MBNL1: variants seen among roughly 807,000 people sequenced by gnomAD.
MBNL1 encodes muscleblind-like protein 1.
A neutral mutation model predicts 42.2 loss-of-function variants in MBNL1; 8 were observed. The observed-to-expected ratio is 0.19, with a 90% CI of 0.11 to 0.34. The LOEUF (loss-of-function observed/expected upper bound fraction) is 0.34. Among genes scored for constraint, MBNL1 ranks in the 10% least tolerant of loss-of-function variants. The probability of loss-of-function intolerance (pLI) is 1.00; values close to 1 mark genes in which losing one functional copy is unlikely to be tolerated. For synonymous variants in MBNL1, 169 were observed against 173.9 expected (o/e 0.97, Z 0.22); for missense variants, 309 against 495.3 (o/e 0.62, Z 3.57).
At chr3:152,282,552 TAAAC>T (rs1212146397) in intron 1 of MBNL1, among the ~76,000 whole-genome samples, 2 of 152,166 alleles carry the variant, frequency 1.3e-5, no homozygotes, top group African/African-American at 2.4e-5. Flanking sequence ...ATGGTAAACA[TAAAC>T]AGATAGTAAA....
At chr3:152,320,689 T>A (rs2075948039) in intron 2 of MBNL1, among the ~76,000 whole-genome samples, 1 of 151,570 alleles carries the variant, frequency 6.6e-6, no homozygotes, top group African/African-American at 2.4e-5. Flanking sequence ...CTTTCTTTTT[T>A]TTTTTTTTTA....
intron 2 of MBNL1, among the ~76,000 whole-genome samples, chr3:152,403,626 C>T (rs941920163): frequency 1.3e-5 from 2 of 151,844 alleles, no homozygotes; most frequent in African/African-American, 2.4e-5. Flanking sequence ...GGGGAACTGC[C>T]CTAGAAAACC....
chr3:152,251,710 C>T (rs554079505), intron 2 of MBNL1, among the ~76,000 whole-genome samples: 3 of 152,018 alleles, frequency 2.0e-5, no homozygotes, highest in African/African-American at 7.2e-5. Context: ...GATGTTGTTT[C>T]CTCTCCTGCT....
chr3:152,306,856 C>T (rs1025343818), intron 2 of MBNL1, among the ~76,000 whole-genome samples: 2 of 152,184 alleles, frequency 1.3e-5, no homozygotes, highest in Non-Finnish European at 2.9e-5. Flanking sequence ...CTGAAGTCTT[C>T]TCATCTTGAC....
upstream of MBNL1, chr3:152,268,026 A>C (rs562694470): frequency 5.9e-5 from 9 of 152,360 alleles, no homozygotes; most frequent in East Asian, 1.7e-3. Flanking sequence ...CTTTCCATTC[A>C]AAGCAAAGCC....
chr3:152,318,140 G>A (rs1158248042), intron 2 of MBNL1, among the ~76,000 whole-genome samples: 1 of 152,108 alleles, frequency 6.6e-6, no homozygotes, highest in African/African-American at 2.4e-5. Flanking sequence ...TTTCCAGACT[G>A]TTTAATGGTA....
At chr3:152,356,445 A>G (rs1465083361) in intron 2 of MBNL1, among the ~76,000 whole-genome samples, 1 of 152,166 alleles carries the variant, frequency 6.6e-6, no homozygotes, top group Admixed American at 6.5e-5. Flanking sequence ...TAGTAATCCA[A>G]GTTTGCCTGA....
At chr3:152,341,328 G>T (rs987032230) in intron 2 of MBNL1, among the ~76,000 whole-genome samples, 2 of 152,160 alleles carry the variant, frequency 1.3e-5, no homozygotes, top group African/African-American at 2.4e-5. Context: ...GACAAGAAAT[G>T]AAACAAATAT....
intron 2 of MBNL1, among the ~76,000 whole-genome samples, chr3:152,348,956 G>T (rs889657003): frequency 6.6e-6 from 1 of 151,978 alleles, no homozygotes; most frequent in Admixed American, 6.6e-5. Context: ...TGAGATTAGG[G>T]CTTGTTGGAA....
At chr3:152,364,207 C>G (rs533097195) in intron 2 of MBNL1, among the ~76,000 whole-genome samples, 1 of 152,084 alleles carries the variant, frequency 6.6e-6, no homozygotes, top group Admixed American at 6.6e-5. Context: ...TTTCATAGCT[C>G]AAGAAATAGC....
intron 2 of MBNL1, among the ~76,000 whole-genome samples, chr3:152,320,717 C>T (rs370795406): frequency 2.7e-5 from 4 of 145,878 alleles, no homozygotes; most frequent in Admixed American, 1.4e-4. Context: ...TTGACTCTAC[C>T]GAGAATATTG....
At chr3:152,294,132 T>C (rs923204248) in intron 1 of MBNL1, among the ~76,000 whole-genome samples, 99 of 152,060 alleles carry the variant, frequency 6.5e-4, no homozygotes, top group African/African-American at 2.2e-3. Flanking sequence ...ATTTCTGATA[T>C]CATTCAAAAA....
chr3:152,319,054 G>C (rs1283934583), intron 2 of MBNL1, among the ~76,000 whole-genome samples: 2 of 152,160 alleles, frequency 1.3e-5, no homozygotes, highest in East Asian at 3.8e-4. Flanking sequence ...ATTTTTACTA[G>C]AGTAAGTTGG....
At chr3:152,421,628 C>G (rs1043235432) in intron 3 of MBNL1, among the ~76,000 whole-genome samples, 1 of 152,056 alleles carries the variant, frequency 6.6e-6, no homozygotes, top group African/African-American at 2.4e-5. Context: ...AGAGCAACCC[C>G]AAGACATATA....
At chr3:152,439,814 C>T (rs1011121414) in intron 4 of MBNL1, among the ~76,000 whole-genome samples, 2 of 152,154 alleles carry the variant, frequency 1.3e-5, no homozygotes, top group South Asian at 2.1e-4. Context: ...CACCACTGCA[C>T]TCCAGACTGA....
At chr3:152,276,989 GA>G (rs1399665106) in intron 1 of MBNL1, among the ~76,000 whole-genome samples, 2 of 152,058 alleles carry the variant, frequency 1.3e-5, no homozygotes, top group Admixed American at 6.5e-5. Context: ...ACTGGATGTG[GA>G]TATTAAAGGC....
intron 1 of MBNL1, among the ~76,000 whole-genome samples, chr3:152,284,639 T>C (rs1049541140): frequency 6.6e-6 from 1 of 152,140 alleles, no homozygotes; most frequent in Non-Finnish European, 1.5e-5. Flanking sequence ...TTGAAATGTT[T>C]CAGACAGTAT....
chr3:152,405,824 T>C (rs1027861527), intron 2 of MBNL1, among the ~76,000 whole-genome samples: 10 of 152,160 alleles, frequency 6.6e-5, no homozygotes, highest in African/African-American at 2.4e-4. Context: ...AGCGCTAACA[T>C]TTATTATGTA....
rs941343811 is a variant in MBNL1, at chr3:152,270,009, A to G, written c.-790+917A>G. Among the ~76,000 whole-genome samples, 11 of 149,782 alleles carry G rather than the reference A, an allele frequency of 7.3e-5. 1 individual carries two copies. In the South Asian group the frequency reaches 1.9e-3, roughly 26 times the overall value. On this transcript the variant is annotated intron_variant, in intron 1 of 9. Coordinates refer to ENST00000324210, the MANE Select transcript of MBNL1 (RefSeq NM_021038.5). ...TGATTCCAGAGCCTGTAACACGAGCAGGTATATGGTGGCGCTTATGCCTTC... is the reference window on the plus strand; with the variant it reads ...TGATTCCAGAGCCTGTAACACGAGCGGGTATATGGTGGCGCTTATGCCTTC...
Sources: gnomAD v4.1 joint callset for allele counts (sites outside exome capture counted in the v4.1 genomes callset) on GRCh38, gnomAD v4.1.1 for gene constraint, MANE v1.5 for transcripts, NCBI Gene and HGNC (gene_info 2026-07-23, HGNC 2026-07-21) for gene names.